The following COL19A1 variants were observed in gnomAD, a reference collection of about 807,000 sequenced individuals.
COL19A1 encodes collagen alpha-1(XIX) chain.
In COL19A1, 159 loss-of-function variants were observed where a neutral mutation model predicts 190.2. The ratio of observed to expected loss-of-function variants is 0.84; its 90% CI spans 0.73 to 0.95. The LOEUF (loss-of-function observed/expected upper bound fraction) is 0.95, where lower values mean the gene tolerates loss of function less well. Ranked by LOEUF, COL19A1 falls within the 40% of genes least tolerant of loss-of-function variation. The pLI, the probability that COL19A1 is intolerant of heterozygous loss-of-function variation, is 0.00. For synonymous variants in COL19A1, 509 were observed against 458.9 expected, an observed-to-expected ratio of 1.11 and a Z score of -1.39; for missense variants, 1,418 against 1,431.9, an observed-to-expected ratio of 0.99 and a Z score of 0.16.
At chr6:69,881,230 A>G (rs544165226) in intron 2 of COL19A1, among the ~76,000 whole-genome samples, 10 of 152,298 alleles carry the variant, frequency 6.6e-5, no homozygotes, top group African/African-American at 2.4e-4. Context: ...TTAGAGAAAC[A>G]CTTACCTTTG....
intron 7 of COL19A1, among the ~76,000 whole-genome samples, chr6:69,935,240 C>T (rs1773020399): frequency 6.6e-6 from 1 of 151,974 alleles, no homozygotes. Flanking sequence ...CAAATCAAAA[C>T]CAGAGGTTTT....
intron 49 of COL19A1, among the ~76,000 whole-genome samples, chr6:70,205,449 C>T (rs1329110150): frequency 6.6e-6 from 1 of 152,208 alleles, no homozygotes. Flanking sequence ...AACAGCACAC[C>T]TTTATGAAAA....
Position 70,024,618 on chromosome 6 carries a change from TGTGTGG to T in COL19A1, c.1080+944_1080+949del, listed in dbSNP as rs1397043894. On this transcript the variant is annotated intron_variant, in intron 12 of 50. Coordinates refer to ENST00000620364, the MANE Select transcript of COL19A1 (RefSeq NM_001858.6). ...GTGTGTGTGTGTGTGTGTGTGTGGG[TGTGTGG>T]GTGTGTGTGTGTGGAGTCTCCCAAA... Among the ~76,000 whole-genome samples the T allele has an allele frequency of 5.8e-3, 859 of 147,410 alleles. 9 individuals are homozygous for T. The highest frequency in any genetic ancestry group is 0.014 in the Admixed American group (202 of 14,850).
At chr6:69,911,579 T>A (rs191581374) in intron 4 of COL19A1, among the ~76,000 whole-genome samples, 3 of 152,250 alleles carry the variant, frequency 2.0e-5, no homozygotes, top group African/African-American at 7.2e-5. Context: ...CTGGTTGAAT[T>A]TGAGACTGAG....
intron 12 of COL19A1, among the ~76,000 whole-genome samples, chr6:70,024,759 C>T (rs1292387187): frequency 6.6e-6 from 1 of 152,188 alleles, no homozygotes; most frequent in African/African-American, 2.4e-5. Context: ...GATTTTTCTA[C>T]ACCAGAGAAT....
At chr6:70,016,960 T>C (rs1223353941) in intron 11 of COL19A1, among the ~76,000 whole-genome samples, 2 of 152,092 alleles carry the variant, frequency 1.3e-5, no homozygotes, top group Non-Finnish European at 2.9e-5. Flanking sequence ...TCCTAGAAAG[T>C]TAAACACATA....
intron 49 of COL19A1, 41 bp downstream of exon 49, chr6:70,199,777 T>A: frequency 6.4e-7 from 1 of 1,553,858 alleles, no homozygotes; most frequent in Non-Finnish European, 8.7e-7. Context: ...GATTTTTAAC[T>A]CTCTGTATTT....
intron 41 of COL19A1, 110 bp from the exon 42 acceptor site, chr6:70,176,410 C>A: frequency 9.2e-7 from 1 of 1,085,998 alleles, no homozygotes; most frequent in Non-Finnish European, 1.3e-6. Context: ...TAACACTTAT[C>A]AGATCCAAAG....
chr6:70,039,592 C>T (rs983796468), intron 14 of COL19A1, among the ~76,000 whole-genome samples: 5 of 152,118 alleles, frequency 3.3e-5, no homozygotes, highest in Non-Finnish European at 5.9e-5. Context: ...TAACTAAGGG[C>T]GAAGAGCTGA....
intron 14 of COL19A1, 124 bp downstream of exon 14, chr6:70,036,063 A>G (rs1779337827): frequency 5.8e-6 from 5 of 859,166 alleles, no homozygotes; most frequent in Admixed American, 4.4e-5. Flanking sequence ...CTTCGAGTAC[A>G]TGTAGTCAAA....
intron 34 of COL19A1, among the ~76,000 whole-genome samples, chr6:70,160,570 G>A (rs1787736273): frequency 2.6e-5 from 4 of 152,144 alleles, no homozygotes. Context: ...CTCACACGGA[G>A]CTTGTCTATT....
intron 15 of COL19A1, among the ~76,000 whole-genome samples, chr6:70,095,312 A>T (rs527902221): frequency 2.6e-4 from 39 of 152,192 alleles, no homozygotes; most frequent in African/African-American, 8.7e-4. Flanking sequence ...TAGATTTTTT[A>T]AAAAACTCAT....
chr6:70,120,167 A>C (rs1276976976), intron 16 of COL19A1, among the ~76,000 whole-genome samples: 1 of 152,194 alleles, frequency 6.6e-6, no homozygotes, highest in Non-Finnish European at 1.5e-5. Flanking sequence ...TGTATTATTA[A>C]TTTTTATGCT....
At chr6:69,989,525 C>G (rs531638010) in intron 11 of COL19A1, among the ~76,000 whole-genome samples, 3 of 150,234 alleles carry the variant, frequency 2.0e-5, no homozygotes, top group East Asian at 1.9e-4. Context: ...AACACAAATT[C>G]GTAAACTAAC....
At chr6:70,003,806 A>G (rs555971767) in intron 11 of COL19A1, among the ~76,000 whole-genome samples, 6 of 152,284 alleles carry the variant, frequency 3.9e-5, no homozygotes, top group South Asian at 4.2e-4. Context: ...CAGCACAGCA[A>G]TGGGTCTTGA....
chr6:70,071,949 T>C (rs1582840232), intron 15 of COL19A1, among the ~76,000 whole-genome samples: 1 of 151,828 alleles, frequency 6.6e-6, no homozygotes, highest in Non-Finnish European at 1.5e-5. Context: ...AGAAGTTCGG[T>C]TGAGTAGTGA....
intron 4 of COL19A1, among the ~76,000 whole-genome samples, chr6:69,917,506 T>C (rs568234321): frequency 6.6e-6 from 1 of 152,322 alleles, no homozygotes; most frequent in African/African-American, 2.4e-5. Flanking sequence ...CAGCCACAAG[T>C]CTTACAGGAC....
chr6:69,897,487 A>ACACACACC lies in COL19A1; in HGVS notation c.92-1460_92-1459insACACACCC, dbSNP rs57788189. Among the ~76,000 whole-genome samples, 85 of 142,628 alleles carry ACACACACC rather than the reference A, an allele frequency of 6.0e-4. 2 individuals carry two copies. Among genetic ancestry groups the ACACACACC allele is most frequent in the African/African-American group, 2.3e-3 (80 of 34,714 alleles). The allele number at this position is 142,628 out of a possible 152,430, so 93.6% of individuals were successfully genotyped here. ...CACACACACACACACACACACACACACCCCATACTGTTGGGATTTTAATTG... is the reference window on the plus strand; with the variant it reads ...CACACACACACACACACACACACACACACACACCCCCCATACTGTTGGGATTTTAATTG... On this transcript the variant is annotated intron_variant, in intron 2 of 50. Coordinates refer to ENST00000620364, the MANE Select transcript of COL19A1 (RefSeq NM_001858.6).
At chr6:70,123,056 C>T (rs1020084592) in intron 17 of COL19A1, among the ~76,000 whole-genome samples, 1 of 152,120 alleles carries the variant, frequency 6.6e-6, no homozygotes, top group Non-Finnish European at 1.5e-5. Context: ...TCAACCTACT[C>T]ATCTGACAAA....
Sources: allele counts gnomAD v4.1 joint callset (sites outside exome capture counted in the v4.1 genomes callset), GRCh38; gene constraint gnomAD v4.1.1; transcripts MANE v1.5; gene names NCBI Gene and HGNC (gene_info 2026-07-23, HGNC 2026-07-21).